KLHL4: variants seen among roughly 807,000 people sequenced by gnomAD.
KLHL4 encodes the protein kelch like family member 4.
In KLHL4, 17 loss-of-function variants were observed where a neutral mutation model predicts 45.8. The observed-to-expected ratio is 0.37, with a 90% CI of 0.25 to 0.56. The LOEUF (loss-of-function observed/expected upper bound fraction) is 0.56, where lower values mean the gene tolerates loss of function less well. Among genes scored for constraint, KLHL4 ranks in the 20% least tolerant of loss-of-function variants. The probability of loss-of-function intolerance (pLI) is 0.79; values close to 1 mark genes in which losing one functional copy is unlikely to be tolerated. For synonymous variants in KLHL4, 224 were observed against 189.9 expected (o/e 1.18, Z -1.47); for missense variants, 544 against 544.9 (o/e 1.00, Z 0.02).
At chrX:87,665,039 A>G (rs916973793) in intron 10 of KLHL4, 104 bp downstream of exon 10, 1 of 490,311 alleles carries the variant, frequency 2.0e-6, no homozygotes, top group African/African-American at 2.4e-5. Flanking sequence ...AGGCCCTAAC[A>G]AGATCTTTTA....
intron 1 of KLHL4, among the ~76,000 whole-genome samples, chrX:87,531,996 T>C (rs1019345813): frequency 9.3e-6 from 1 of 107,547 alleles, no homozygotes; most frequent in Non-Finnish European, 1.9e-5. Flanking sequence ...AAAGTTCATA[T>C]GGAACCAAAA....
intron 1 of KLHL4, among the ~76,000 whole-genome samples, chrX:87,593,170 G>A (rs779151097): frequency 5.4e-5 from 6 of 110,644 alleles, no homozygotes; most frequent in African/African-American, 1.6e-4. Context: ...ATGTTTCATT[G>A]TGGATATCTT....
rs1922772986 is a variant in KLHL4, at chrX:87,622,239, A to G, written c.953A>G (p.Gln318Arg). 1 of 1,208,945 alleles carries G rather than the reference A, an allele frequency of 8.3e-7. No individual in the cohort carries two copies. The highest frequency in any genetic ancestry group is 1.1e-6 in the Non-Finnish European group (1 of 893,033). ...CACTTCATTGAGGTAATAAAAAACCAAGAATTCCTCCTGCTTCCAGCTAAT... is the reference window on the plus strand; with the variant it reads ...CACTTCATTGAGGTAATAAAAAACCGAGAATTCCTCCTGCTTCCAGCTAAT... ...MEHFIEVIKN[Q>R]EFLLLPANEI... Residue 318 changes from glutamine to arginine, a missense_variant, in exon 5 of 11, where the codon CAA (glutamine) becomes CGA (arginine). By Grantham distance (43) the Gln-to-Arg change is conservative (BLOSUM62 1). Transcript: ENST00000373119.
rs984263788 is a variant in KLHL4, at chrX:87,627,647, C to T, written c.1324+1851C>T. On this transcript the variant is annotated intron_variant, in intron 6 of 10. Transcript: ENST00000373119. ...CTATAATTAATTTCCAGTCTGGCAA[C>T]TTGAGGTTTTATTGAATTTTTATTG... 3.6e-5 allele frequency among the ~76,000 whole-genome samples: 4 copies of T among 111,422 alleles called. No individual in the cohort carries two copies. The Admixed American group carries it at 3.8e-4, about 11-fold the overall frequency.
chrX:87,556,984 T>C (rs1230603681), intron 1 of KLHL4, among the ~76,000 whole-genome samples: 2 of 111,575 alleles, frequency 1.8e-5, no homozygotes, highest in Non-Finnish European at 3.8e-5. Context: ...CCAGCAAATA[T>C]AACACTTTGA....
chrX:87,629,037 A>G (rs975781507), intron 6 of KLHL4, among the ~76,000 whole-genome samples: 2 of 112,069 alleles, frequency 1.8e-5, no homozygotes, highest in Admixed American at 1.9e-4. Context: ...AGACAAGGTA[A>G]AGGCTAATAC....
intron 1 of KLHL4, among the ~76,000 whole-genome samples, chrX:87,605,134 A>G (rs1295944649): frequency 9.0e-6 from 1 of 111,550 alleles, no homozygotes; most frequent in Non-Finnish European, 1.9e-5. Context: ...GCCTGTTTTA[A>G]TACCAATATC....
chrX:87,548,230 A>T (rs1569338761), intron 1 of KLHL4, among the ~76,000 whole-genome samples: 2 of 111,734 alleles, frequency 1.8e-5, no homozygotes, highest in African/African-American at 6.5e-5. Flanking sequence ...GACTGAAAAA[A>T]CTTTTACCCT....
At chrX:87,599,746 C>T (rs1488757427) in intron 1 of KLHL4, among the ~76,000 whole-genome samples, 1 of 111,387 alleles carries the variant, frequency 9.0e-6, no homozygotes, top group East Asian at 2.8e-4. Flanking sequence ...TTTTAGATCA[C>T]TGAGAGGGTG....
At chrX:87,604,643 AT>A (rs1324447179) in intron 1 of KLHL4, among the ~76,000 whole-genome samples, 1 of 111,079 alleles carries the variant, frequency 9.0e-6, no homozygotes, top group African/African-American at 3.3e-5. Flanking sequence ...AGTTGTTTAA[AT>A]TCTTTATATA....
At chrX:87,609,609 T>C (rs1257444513) in intron 1 of KLHL4, among the ~76,000 whole-genome samples, 1 of 112,029 alleles carries the variant, frequency 8.9e-6, no homozygotes, top group Non-Finnish European at 1.9e-5. Context: ...ATGGGGTTTT[T>C]TGTTTTTTTT....
At chrX:87,533,204 G>C (rs1349901707) in intron 1 of KLHL4, among the ~76,000 whole-genome samples, 4 of 109,671 alleles carry the variant, frequency 3.6e-5, no homozygotes. Context: ...CCATTACTGG[G>C]TATATACCCG....
rs1007143767 is a variant in KLHL4, at chrX:87,668,670, T to C, written c.*2136T>C. The C allele has an allele frequency of 7.2e-6, 1 of 139,820 alleles. No homozygotes were observed. The highest frequency in any genetic ancestry group is 9.7e-5 in the Admixed American group (1 of 10,277). The allele number at this position is 139,820 out of a possible 1,213,427, so 11.5% of individuals were successfully genotyped here. A position where few individuals can be genotyped will look rare whatever the true frequency, so the allele number is the denominator to read the frequency against. On this transcript the variant is annotated 3_prime_UTR_variant, in exon 11 of 11. Transcript: ENST00000373119. ...CCATTCATGGATTAATGGATTATTA[T>C]GAGTGGGGGACTGGTGACTTTATAT...
chrX:87,583,916 T>G lies in KLHL4; in HGVS notation c.423-29961T>G, dbSNP rs149055179. 1.6e-3 allele frequency among the ~76,000 whole-genome samples: 181 copies of G among 111,944 alleles called. 1 individual carries two copies. The highest frequency in any genetic ancestry group is 5.7e-3 in the African/African-American group (177 of 30,838). On this transcript the variant is annotated intron_variant, in intron 1 of 10. Transcript: ENST00000373119. Reference sequence around the variant, plus strand: ...ACAGCTTGCCTTGGGCTAGGACCAGTGCTGGGCTGGCTTCAAATGTGACCC... The same window carrying G: ...ACAGCTTGCCTTGGGCTAGGACCAGGGCTGGGCTGGCTTCAAATGTGACCC...
chrX:87,637,130 A>G (rs1786515769), intron 9 of KLHL4, among the ~76,000 whole-genome samples: 1 of 111,361 alleles, frequency 9.0e-6, no homozygotes, highest in South Asian at 3.9e-4. Context: ...AGGTGCTAGT[A>G]TCCATGGCTG....
At chrX:87,550,248 T>C (rs987186264) in intron 1 of KLHL4, among the ~76,000 whole-genome samples, 1 of 110,830 alleles carries the variant, frequency 9.0e-6, no homozygotes, top group Non-Finnish European at 1.9e-5. Context: ...AGTAATATGA[T>C]TGAAGCAAAG....
At chrX:87,535,719 G>T (rs754162648) in intron 1 of KLHL4, among the ~76,000 whole-genome samples, 2 of 110,577 alleles carry the variant, frequency 1.8e-5, no homozygotes, top group Non-Finnish European at 3.8e-5. Context: ...CCCAAAGCTC[G>T]TGTCAAATTG....
In KLHL4 at chrX:87,653,446, C is replaced by G. The variant is rs751465583; in HGVS notation, c.1926-11318C>G. Among the ~76,000 whole-genome samples, 13 of 111,719 alleles carry G rather than the reference C, an allele frequency of 1.2e-4. No individual in the cohort carries two copies. The East Asian group carries it at 2.0e-3, about 17-fold the overall frequency. The stretch of plus-strand genomic sequence containing the variant: ...CAATGAGATACCATCTCATGCCCAT[C>G]ATAATGGCAATTATTAGAAAGTCAA... On this transcript the variant is annotated intron_variant, in intron 9 of 10. Coordinates refer to ENST00000373119, the MANE Select transcript of KLHL4 (RefSeq NM_019117.5).
At chrX:87,521,722 A>G (rs1186504888) in intron 1 of KLHL4, among the ~76,000 whole-genome samples, 1 of 112,268 alleles carries the variant, frequency 8.9e-6, no homozygotes, top group Non-Finnish European at 1.9e-5. Flanking sequence ...GTACTTAACC[A>G]CCATATATGC....
Sources: gnomAD v4.1 joint callset for allele counts (sites outside exome capture counted in the v4.1 genomes callset) on GRCh38, gnomAD v4.1.1 for gene constraint, MANE v1.5 for transcripts, NCBI Gene and HGNC (gene_info 2026-07-23, HGNC 2026-07-21) for gene names.